PRKN: variants seen among roughly 807,000 people sequenced by gnomAD.
PRKN encodes E3 ubiquitin-protein ligase parkin.
A neutral mutation model predicts 59.5 loss-of-function variants in PRKN; 56 were observed. That is an observed-to-expected ratio of 0.94 (90% CI 0.76 to 1.18). The LOEUF (loss-of-function observed/expected upper bound fraction) is 1.18. PRKN is among the 50% of genes most tolerant of loss of function. The pLI is 0.00. For synonymous variants in PRKN, 250 were observed against 222.1 expected (o/e 1.13, Z -1.12); for missense variants, 657 against 596.4 (o/e 1.10, Z -1.06).
intron 1 of PRKN, among the ~76,000 whole-genome samples, chr6:162,500,241 G>A (rs955634531): frequency 6.7e-6 from 1 of 150,146 alleles, no homozygotes; most frequent in African/African-American, 2.5e-5. Context: ...GCATGATATC[G>A]GCTCACTGCA....
rs1413723582 is a variant in PRKN, at chr6:161,379,690, C to A, written c.1167+7104G>T. Among the ~76,000 whole-genome samples the A allele has an allele frequency of 6.6e-6, 1 of 152,182 alleles. No individual in the cohort carries two copies. The highest frequency in any genetic ancestry group is 1.5e-5 in the Non-Finnish European group (1 of 68,030). On this transcript the variant is annotated intron_variant, in intron 10 of 11. Coordinates refer to ENST00000366898, the MANE Select transcript of PRKN (RefSeq NM_004562.3). The surrounding 1 kb of genome is among the most constrained non-coding windows in gnomAD (Gnocchi z 4.9). ...TATGCATAGGGATGTAAGGCCTGAC[C>A]ACTCTGTGTCCATGCACAACAACTC...
In PRKN at chr6:162,112,824, C is replaced by T. The variant is rs1029904958; in HGVS notation, c.535-58650G>A. Among the ~76,000 whole-genome samples the T allele has an allele frequency of 4.6e-5, 7 of 151,932 alleles. No individual in the cohort carries two copies. In the East Asian group the frequency reaches 9.7e-4, roughly 21 times the overall value. On this transcript the variant is annotated intron_variant, in intron 4 of 11. Transcript: ENST00000366898. ...AGTATCGTGGTTTACACCTGTGGTG[C>T]CAGCTACTCGGGAGGCTGAGGTAGG...
chr6:162,245,452 A>G (rs2128093381), intron 3 of PRKN, among the ~76,000 whole-genome samples: 1 of 152,086 alleles, frequency 6.6e-6, no homozygotes, highest in Admixed American at 6.6e-5. Flanking sequence ...ACATTAAGTA[A>G]TAGGTTGAAG....
intron 3 of PRKN, among the ~76,000 whole-genome samples, chr6:162,255,802 A>G (rs1779617929): frequency 6.6e-6 from 1 of 152,174 alleles, no homozygotes; most frequent in Non-Finnish European, 1.5e-5. Context: ...TGCATTTTCT[A>G]GCAACAAAAA....
intron 4 of PRKN, among the ~76,000 whole-genome samples, chr6:162,179,546 T>G (rs1256814861): frequency 1.3e-5 from 2 of 152,102 alleles, no homozygotes. Flanking sequence ...AGTTGAAAAA[T>G]GTGGGTAACT....
rs183971351 is a variant in PRKN, at chr6:161,537,545, A to G, written c.1083+11309T>C. 4.6e-3 allele frequency among the ~76,000 whole-genome samples: 687 copies of G among 150,484 alleles called. 7 individuals are homozygous for G. Among genetic ancestry groups the G allele is most frequent in the Middle Eastern group, 0.017 (5 of 294 alleles). On this transcript the variant is annotated intron_variant, in intron 9 of 11. Transcript: ENST00000366898. ...CGGCTCACTGCAAGCTCTGCCTCCC[A>G]GGTTCACACCATTCTCCTGCCTCAG...
At chr6:161,818,983 T>G (rs1003705368) in intron 6 of PRKN, among the ~76,000 whole-genome samples, 1 of 152,168 alleles carries the variant, frequency 6.6e-6, no homozygotes, top group Non-Finnish European at 1.5e-5. Flanking sequence ...ATTCAATAAG[T>G]GGCATCTGAG....
intron 9 of PRKN, among the ~76,000 whole-genome samples, chr6:161,411,380 T>C (rs926163829): frequency 1.7e-4 from 26 of 152,170 alleles, no homozygotes; most frequent in Admixed American, 1.7e-3. Context: ...AGACATGCCT[T>C]TGCTCCCTCA....
rs1287520920 is a variant in PRKN, at chr6:161,385,882, T to C, written c.1167+912A>G. On this transcript the variant is annotated intron_variant, in intron 10 of 11. Transcript: ENST00000366898. The surrounding 1 kb of genome is among the most constrained non-coding windows in gnomAD (Gnocchi z 4.9). ...ACTCATATGCTCATGGCTGGCAATT[T>C]AGGAGCAGACGAGAAGACCCAAATT... Among the ~76,000 whole-genome samples, 1 of 152,224 alleles carries C rather than the reference T, an allele frequency of 6.6e-6. No homozygotes were observed. Among genetic ancestry groups the C allele is most frequent in the African/African-American group, 2.4e-5 (1 of 41,462 alleles).
intron 7 of PRKN, among the ~76,000 whole-genome samples, chr6:161,577,001 C>T (rs1273165018): frequency 6.6e-6 from 1 of 152,058 alleles, no homozygotes; most frequent in Non-Finnish European, 1.5e-5. Flanking sequence ...ATAATGCCTG[C>T]AAATGATAAA....
intron 4 of PRKN, among the ~76,000 whole-genome samples, chr6:162,074,381 C>CA (rs1778723689): frequency 7.7e-6 from 1 of 129,910 alleles, no homozygotes. Context: ...ATCGCAAGAA[C>CA]AAAAAACCAA....
intron 6 of PRKN, among the ~76,000 whole-genome samples, chr6:161,953,854 A>G (rs986245568): frequency 1.3e-5 from 2 of 152,148 alleles, no homozygotes; most frequent in Non-Finnish European, 2.9e-5. Context: ...CCTACTTATA[A>G]TCAGTGGTAC....
chr6:161,957,028 C>T (rs373567436), intron 6 of PRKN, among the ~76,000 whole-genome samples: 3 of 152,172 alleles, frequency 2.0e-5, no homozygotes, highest in African/African-American at 4.8e-5. Flanking sequence ...TTCAGACACC[C>T]GCTGGAAGAC....
At chr6:161,572,240 C>T (rs961090325) in intron 7 of PRKN, among the ~76,000 whole-genome samples, 32 of 152,094 alleles carry the variant, frequency 2.1e-4, no homozygotes, top group African/African-American at 7.5e-4. Context: ...TAGCTTTAGC[C>T]TATATTATAT....
chr6:161,639,407 C>T (rs6912886), intron 7 of PRKN, among the ~76,000 whole-genome samples: 3,891 of 152,268 alleles, frequency 0.026, 173 homozygotes, highest in African/African-American at 0.088. Flanking sequence ...CTTCATCTTT[C>T]CCCATGGAGG....
At chr6:161,531,407 C>T (rs1463849475) in intron 9 of PRKN, among the ~76,000 whole-genome samples, 2 of 151,468 alleles carry the variant, frequency 1.3e-5, no homozygotes, top group Non-Finnish European at 1.5e-5. Context: ...ATTAATTGTG[C>T]GAACGCCACC....
rs59617720 is a variant in PRKN, at chr6:162,522,799, GAA to G, written c.8-79328_8-79327del. ...CACTGTGAGTCAGATGAACTGATCA[GAA>G]AAAAAAAAAAAATCAATGTTTACAG... On this transcript the variant is annotated intron_variant, in intron 1 of 11. Transcript: ENST00000366898. Among the ~76,000 whole-genome samples the G allele has an allele frequency of 1.6e-3, 225 of 144,362 alleles. 2 individuals carry two copies. The highest frequency in any genetic ancestry group is 9.9e-3 in the South Asian group (46 of 4,646). 94.7% of individuals were successfully genotyped at this position (144,362 alleles called of 152,430 possible). A position where few individuals can be genotyped will look rare whatever the true frequency, so the allele number is the denominator to read the frequency against.
At chr6:162,469,074 G>A (rs1309624923) in intron 1 of PRKN, among the ~76,000 whole-genome samples, 1 of 152,044 alleles carries the variant, frequency 6.6e-6, no homozygotes, top group African/African-American at 2.4e-5. Flanking sequence ...ACATTCCTTA[G>A]GGATTTTAAT....
chr6:162,458,208 A>C (rs891040245), intron 1 of PRKN, among the ~76,000 whole-genome samples: 2 of 133,114 alleles, frequency 1.5e-5, no homozygotes, highest in African/African-American at 5.3e-5. Flanking sequence ...GTGAGCCAAG[A>C]TCGCTCCACT....
Sources: allele counts gnomAD v4.1 joint callset (sites outside exome capture counted in the v4.1 genomes callset), GRCh38; gene constraint gnomAD v4.1.1; non-coding constraint Gnocchi (gnomAD v3.1); transcripts MANE v1.5; gene names NCBI Gene and HGNC (gene_info 2026-07-23, HGNC 2026-07-21).